The following C2CD5 variants were observed in gnomAD, a reference collection of about 807,000 sequenced individuals.
The protein encoded by C2CD5 is C2 calcium dependent domain containing 5, also known as C2 domain-containing protein 5.
A neutral mutation model predicts 130.3 loss-of-function variants in C2CD5; 109 were observed. The observed-to-expected ratio is 0.84, with a 90% CI of 0.72 to 0.98. The LOEUF is 0.98. Ranked by LOEUF, C2CD5 falls within the 50% of genes least tolerant of loss-of-function variation. The pLI is 0.00. For missense variants in C2CD5, 996 were observed against 1,261.8 expected, an observed-to-expected ratio of 0.79 and a Z score of 3.19; for synonymous variants, 454 against 429.2, an observed-to-expected ratio of 1.06 and a Z score of -0.71.
chr12:22,466,599 C>A (rs1318396231), intron 22 of C2CD5, among the ~76,000 whole-genome samples: 4 of 152,008 alleles, frequency 2.6e-5, no homozygotes, highest in African/African-American at 9.7e-5. Flanking sequence ...CCTATCTTAC[C>A]CTCAAATTTT....
At chr12:22,521,215 A>T (rs1950238657) in intron 7 of C2CD5, among the ~76,000 whole-genome samples, 1 of 152,168 alleles carries the variant, frequency 6.6e-6, no homozygotes, top group Non-Finnish European at 1.5e-5. Context: ...CTCAAAAAAT[A>T]CAATGAAGCC....
chr12:22,543,296 T>C (rs967746008), intron 2 of C2CD5, among the ~76,000 whole-genome samples: 7 of 152,350 alleles, frequency 4.6e-5, no homozygotes, highest in Non-Finnish European at 8.8e-5. Context: ...CTTTACTAAT[T>C]TGCATGACTT....
intron 2 of C2CD5, among the ~76,000 whole-genome samples, 165 bp from the exon 3 acceptor site, chr12:22,535,509 A>T (rs1951736474): frequency 6.6e-6 from 1 of 152,196 alleles, no homozygotes; most frequent in Non-Finnish European, 1.5e-5. Context: ...GTAAGATTGT[A>T]GACTAATAAT....
At chr12:22,468,351 T>C (rs1342199534) in intron 22 of C2CD5, among the ~76,000 whole-genome samples, 1 of 152,110 alleles carries the variant, frequency 6.6e-6, no homozygotes, top group Non-Finnish European at 1.5e-5. Context: ...CCCACGGAGC[T>C]AGGATCACAG....
chr12:22,505,066 T>C (rs962746626), intron 10 of C2CD5, among the ~76,000 whole-genome samples: 1 of 152,082 alleles, frequency 6.6e-6, no homozygotes, highest in Non-Finnish European at 1.5e-5. Context: ...TTTTCTGAAA[T>C]CTCATTCAGG....
chr12:22,462,454 T>C lies in C2CD5; in HGVS notation c.2534-2912A>G, dbSNP rs1332986430. Among the ~76,000 whole-genome samples, 3 of 152,138 alleles carry C rather than the reference T, an allele frequency of 2.0e-5. No homozygotes were observed. In the East Asian group the frequency reaches 5.8e-4, roughly 29 times the overall value. ...GATAACCCTGCAAGCCCCAAATAAA[T>C]GACCCTAGAAACTTAGCAAAGCAAT... is the stretch of plus-strand genomic sequence containing the variant. On this transcript the variant is annotated intron_variant, in intron 22 of 26. Coordinates refer to ENST00000446597, the MANE Select transcript of C2CD5 (RefSeq NM_001286176.2).
chr12:22,529,162 T>C (rs934392111), intron 3 of C2CD5, among the ~76,000 whole-genome samples: 1 of 152,216 alleles, frequency 6.6e-6, no homozygotes, highest in African/African-American at 2.4e-5. Context: ...TTCAATATAC[T>C]AATCTATCTT....
rs751142324 is a variant in C2CD5, at chr12:22,523,485, T to C, written c.741A>G (p.Lys247=). The C allele has an allele frequency of 5.0e-6, 8 of 1,613,982 alleles. No homozygotes were observed. The South Asian group carries it at 6.6e-5, about 13-fold the overall frequency. ...RAIGTACTLD[K]LSSPAAFLPA... ...GAAGGAATGCTGCTGGGCTACTTAA[T>C]TTATCCAGAGTACACGCCGTTCCTA... Residue 247 remains lysine (K), a synonymous_variant, in exon 7 of 27, where the codon AAA becomes AAG. Transcript: ENST00000446597.
intron 11 of C2CD5, 65 bp from the exon 12 acceptor site, chr12:22,490,283 A>C (rs1946169022): frequency 1.9e-6 from 2 of 1,050,656 alleles, no homozygotes; most frequent in Admixed American, 3.8e-5. Flanking sequence ...GAAATGCTAA[A>C]TATCAAAATA....
At chr12:22,530,232 CTA>C (rs891471244) in intron 3 of C2CD5, among the ~76,000 whole-genome samples, 4 of 144,312 alleles carry the variant, frequency 2.8e-5, no homozygotes, top group Non-Finnish European at 4.5e-5. Context: ...ATATATACAA[CTA>C]TGTGTATATG....
intron 12 of C2CD5, among the ~76,000 whole-genome samples, chr12:22,485,622 C>T (rs1945384057): frequency 6.6e-6 from 1 of 152,056 alleles, no homozygotes; most frequent in African/African-American, 2.4e-5. Flanking sequence ...ACCAAAACAT[C>T]TATTTCATAA....
chr12:22,489,069 T>C (rs1226527480), intron 12 of C2CD5, among the ~76,000 whole-genome samples: 1 of 151,608 alleles, frequency 6.6e-6, no homozygotes, highest in East Asian at 1.9e-4. Flanking sequence ...GGAGACGGGG[T>C]TTCACCATGT....
chr12:22,518,990 T>G, intron 7 of C2CD5: 3 of 775,192 alleles, frequency 3.9e-6, no homozygotes, highest in Non-Finnish European at 5.9e-6. Flanking sequence ...CAGCTGGACT[T>G]CGAGTAAGAA....
chr12:22,508,996 C>G (rs1257417225), intron 9 of C2CD5, among the ~76,000 whole-genome samples: 1 of 151,754 alleles, frequency 6.6e-6, no homozygotes, highest in Non-Finnish European at 1.5e-5. Context: ...CCTGCCTCAG[C>G]CTCCCGAGTA....
At chr12:22,483,578 C>T (rs1197454478) in intron 13 of C2CD5, among the ~76,000 whole-genome samples, 2 of 151,994 alleles carry the variant, frequency 1.3e-5, no homozygotes, top group African/African-American at 4.8e-5. Flanking sequence ...AATAGCTCAC[C>T]ACCAGCAGAC....
chr12:22,482,452 C>T (rs1487618457), intron 14 of C2CD5, 105 bp downstream of exon 14: 1 of 950,402 alleles, frequency 1.1e-6, no homozygotes, highest in East Asian at 2.5e-5. Context: ...GTCTTAATGT[C>T]AAAGTCTTTA....
rs191568424 is a variant in C2CD5 at position 22,514,351 on chromosome 12, C to T, written c.953-972G>A. ...TATAGTCCCATTCTGTTCCTAAAAA[C>T]AAAAAAATGGTTTTTCTTATAGTAA... On this transcript the variant is annotated intron_variant, in intron 8 of 26. Transcript: ENST00000446597. Among the ~76,000 whole-genome samples the T allele has an allele frequency of 3.0e-4, 45 of 151,634 alleles. 2 individuals carry two copies. Among genetic ancestry groups the T allele is most frequent in the African/African-American group, 1.1e-3 (44 of 41,432 alleles).
At chr12:22,503,722 G>A (rs1274759058) in intron 10 of C2CD5, among the ~76,000 whole-genome samples, 2 of 152,078 alleles carry the variant, frequency 1.3e-5, no homozygotes, top group Non-Finnish European at 2.9e-5. Flanking sequence ...ATGCTGCCCA[G>A]GCCGGTCTCA....
At chr12:22,485,129 T>C (rs1286843908) in intron 12 of C2CD5, among the ~76,000 whole-genome samples, 1 of 152,118 alleles carries the variant, frequency 6.6e-6, no homozygotes, top group Non-Finnish European at 1.5e-5. Flanking sequence ...TGCACCAATT[T>C]ATTTGTTTGA....
Sources: allele counts gnomAD v4.1 joint callset (sites outside exome capture counted in the v4.1 genomes callset), GRCh38; gene constraint gnomAD v4.1.1; transcripts MANE v1.5; gene names NCBI Gene and HGNC (gene_info 2026-07-23, HGNC 2026-07-21).